Variants in FAT3 observed in about 807,000 individuals in gnomAD.
FAT3 encodes the protein FAT atypical cadherin 3, also known as protocadherin Fat 3.
A neutral mutation model predicts 310.2 loss-of-function variants in FAT3; 95 were observed. The observed-to-expected ratio is 0.31, with a 90% CI of 0.26 to 0.36. FAT3 has a LOEUF of 0.36. Ranked by LOEUF, FAT3 falls within the 10% of genes least tolerant of loss-of-function variation. The pLI is 1.00. For synonymous variants in FAT3, 2,314 were observed against 2,192.9 expected (o/e 1.06, Z -1.54); for missense variants, 5,408 against 5,715.6 (o/e 0.95, Z 1.74).
intron 19 of FAT3, among the ~76,000 whole-genome samples, chr11:92,854,218 C>T (rs763408289): frequency 4.6e-5 from 7 of 152,290 alleles, no homozygotes; most frequent in African/African-American, 9.6e-5. Flanking sequence ...GCCACAACTT[C>T]GCTTCAAAAT....
At chr11:92,376,921 A>G (rs1949364177) in intron 2 of FAT3, among the ~76,000 whole-genome samples, 1 of 152,150 alleles carries the variant, frequency 6.6e-6, no homozygotes, top group South Asian at 2.1e-4. Context: ...ACAGGTGAAA[A>G]TTTCTTTTTA....
intron 7 of FAT3, among the ~76,000 whole-genome samples, chr11:92,776,479 A>T (rs1279864061): frequency 6.6e-6 from 1 of 152,218 alleles, no homozygotes; most frequent in Non-Finnish European, 1.5e-5. Context: ...CTAGATGCTA[A>T]GTACTAAGGT....
rs1335086160 is a variant in FAT3 at position 92,895,345 on chromosome 11, T to C, written c.*4232T>C. ...CTTTGAGCTTCTGGTTGTGTAATGCTGGGGTTTAAAGTCACCATTTGTGGG... is the reference window on the plus strand; with the variant it reads ...CTTTGAGCTTCTGGTTGTGTAATGCCGGGGTTTAAAGTCACCATTTGTGGG... On this transcript the variant is annotated 3_prime_UTR_variant, in exon 28 of 28. Transcript: ENST00000525166. 6.6e-6 allele frequency: 1 copy of C among 152,244 alleles called. No individual in the cohort carries two copies. The highest frequency in any genetic ancestry group is 1.5e-5 in the Non-Finnish European group (1 of 68,034). 9.4% of individuals were successfully genotyped at this position (152,244 alleles called of 1,614,324 possible).
At chr11:92,746,164 A>G (rs1370315091) in intron 4 of FAT3, among the ~76,000 whole-genome samples, 1 of 152,212 alleles carries the variant, frequency 6.6e-6, no homozygotes, top group East Asian at 1.9e-4. Flanking sequence ...AAAACTCTGT[A>G]TTAGTCTGTT....
intron 10 of FAT3, among the ~76,000 whole-genome samples, chr11:92,803,587 AC>A (rs1170498881): frequency 5.9e-5 from 9 of 152,188 alleles, no homozygotes; most frequent in Non-Finnish European, 1.0e-4. Context: ...GCTCAGCCAC[AC>A]CGCTATTGAC....
At position 92,435,523 on chromosome 11, in the gene FAT3, C is replaced by T. The variant is rs1197489910; in HGVS notation, c.3292+80119C>T. Among the ~76,000 whole-genome samples the T allele has an allele frequency of 2.1e-5, 3 of 141,550 alleles. No homozygotes were observed. In the Admixed American group the frequency reaches 2.2e-4, roughly 10 times the overall value. 92.9% of individuals were successfully genotyped at this position (141,550 alleles called of 152,430 possible). A position where few individuals can be genotyped will look rare whatever the true frequency, so the allele number is the denominator to read the frequency against. On this transcript the variant is annotated intron_variant, in intron 2 of 27. Coordinates refer to ENST00000525166, the MANE Select transcript of FAT3 (RefSeq NM_001367949.2). The stretch of plus-strand genomic sequence containing the variant: ...CCTTCCTTCCTTCCTTCCTTCCTTT[C>T]TCTTTCTTTCTTTCCCTTCCTTCCT...
intron 1 of FAT3, among the ~76,000 whole-genome samples, chr11:92,278,204 A>G (rs1310213413): frequency 6.6e-6 from 1 of 152,164 alleles, no homozygotes; most frequent in Non-Finnish European, 1.5e-5. Context: ...ATTTTATGTT[A>G]AAGTTACATG....
At chr11:92,372,695 C>G (rs1296067960) in intron 2 of FAT3, among the ~76,000 whole-genome samples, 2 of 151,900 alleles carry the variant, frequency 1.3e-5, no homozygotes, top group Admixed American at 1.3e-4. Context: ...GAATCTCACT[C>G]TGTCACCCAG....
chr11:92,862,556 G>C (rs1949144750), intron 21 of FAT3, among the ~76,000 whole-genome samples: 1 of 152,136 alleles, frequency 6.6e-6, no homozygotes, highest in East Asian at 1.9e-4. Flanking sequence ...CTCAGACATG[G>C]CTAGCTTCAG....
chr11:92,754,030 A>G (rs577445130), intron 4 of FAT3, among the ~76,000 whole-genome samples: 5 of 152,072 alleles, frequency 3.3e-5, no homozygotes, highest in Admixed American at 3.3e-4. Flanking sequence ...ATATGGTGCA[A>G]TGTATACTGC....
intron 6 of FAT3, 53 bp from the exon 7 acceptor site, chr11:92,773,988 G>T: frequency 6.3e-7 from 1 of 1,598,318 alleles, no homozygotes; most frequent in African/African-American, 1.3e-5. Context: ...ATGATATAAT[G>T]CATGTAACAA....
rs193241716 is a variant in FAT3 at position 92,625,344 on chromosome 11, G to T, written c.3608-72040G>T. ...GTGCCTGGAGGAGTGGGGCTCTGAA[G>T]AAACCATGGGCTGTCCATCTTATAC... is the stretch of plus-strand genomic sequence containing the variant. On this transcript the variant is annotated intron_variant, in intron 3 of 27. Coordinates refer to ENST00000525166, the MANE Select transcript of FAT3 (RefSeq NM_001367949.2). Among the ~76,000 whole-genome samples the T allele has an allele frequency of 5.3e-5, 8 of 152,298 alleles. No individual in the cohort carries two copies. The East Asian group carries it at 1.2e-3, about 22-fold the overall frequency.
intron 2 of FAT3, among the ~76,000 whole-genome samples, chr11:92,437,391 C>T (rs79567993): frequency 0.023 from 3,530 of 152,308 alleles, 158 homozygotes; most frequent in African/African-American, 0.08. Flanking sequence ...AAATCCATCT[C>T]TCCTTATTCG....
intron 1 of FAT3, among the ~76,000 whole-genome samples, chr11:92,315,512 TAG>T (rs374021850): frequency 9.3e-3 from 520 of 55,998 alleles, no homozygotes; most frequent in Non-Finnish European, 0.011. Flanking sequence ...TATATATATA[TAG>T]AGAGAGAGAG....
At chr11:92,370,484 G>A (rs1320379293) in intron 2 of FAT3, among the ~76,000 whole-genome samples, 2 of 152,092 alleles carry the variant, frequency 1.3e-5, no homozygotes, top group Non-Finnish European at 2.9e-5. Context: ...CCCGATACTG[G>A]GTAGAGTTAG....
Position 92,764,821 on chromosome 11 carries a change from A to G in FAT3, c.3985-58A>G, listed in dbSNP as rs2136094406. 5 of 1,525,164 alleles carry G rather than the reference A, an allele frequency of 3.3e-6. No homozygotes were observed. The East Asian group carries it at 9.1e-5, about 28-fold the overall frequency. 94.5% of individuals were successfully genotyped at this position (1,525,164 alleles called of 1,614,324 possible). ...GCCCAGCAACATGAGTGACAGATCCAAACTCTACAACAATCAGAGGTCTGA... is the reference window on the plus strand; with the variant it reads ...GCCCAGCAACATGAGTGACAGATCCGAACTCTACAACAATCAGAGGTCTGA... On this transcript the variant is annotated intron_variant, in intron 5 of 27. Coordinates refer to ENST00000525166, the MANE Select transcript of FAT3 (RefSeq NM_001367949.2).
At chr11:92,421,355 G>A (rs946131742) in intron 2 of FAT3, among the ~76,000 whole-genome samples, 2 of 152,114 alleles carry the variant, frequency 1.3e-5, no homozygotes, top group Admixed American at 1.3e-4. Flanking sequence ...TTTATGGTCT[G>A]CAAAATTAGA....
rs1947636547 is a variant in FAT3, at chr11:92,810,407, G to C, written c.9481+331G>C. Among the ~76,000 whole-genome samples the C allele has an allele frequency of 2.6e-5, 4 of 152,236 alleles. No homozygotes were observed. The South Asian group carries it at 8.3e-4, about 32-fold the overall frequency. ...AATAAAAATGATAGATTTCCTCATT[G>C]TCTTTTCCTCCTAAACATAGTCAAA... On this transcript the variant is annotated intron_variant, in intron 13 of 27. Coordinates refer to ENST00000525166, the MANE Select transcript of FAT3 (RefSeq NM_001367949.2).
At chr11:92,474,268 C>T (rs774205427) in intron 2 of FAT3, among the ~76,000 whole-genome samples, 1 of 152,146 alleles carries the variant, frequency 6.6e-6, no homozygotes, top group Non-Finnish European at 1.5e-5. Flanking sequence ...GTGCCAAGGA[C>T]ATATTTCTTC....
Sources: gnomAD v4.1 joint callset for allele counts (sites outside exome capture counted in the v4.1 genomes callset) on GRCh38, gnomAD v4.1.1 for gene constraint, MANE v1.5 for transcripts, NCBI Gene and HGNC (gene_info 2026-07-23, HGNC 2026-07-21) for gene names.